The following SYT7 variants were observed in gnomAD, a reference collection of about 807,000 sequenced individuals.
SYT7 encodes the protein synaptotagmin 7, also known as synaptotagmin-7.
Under a neutral mutation model 75.1 loss-of-function variants are expected in SYT7, and 29 were observed. The ratio of observed to expected loss-of-function variants is 0.39; its 90% CI spans 0.29 to 0.53. SYT7 has a LOEUF of 0.53. Ranked by LOEUF, SYT7 falls within the 20% of genes least tolerant of loss-of-function variation. The pLI, the probability that SYT7 is intolerant of heterozygous loss-of-function variation, is 0.77. For missense variants in SYT7, 693 were observed against 953.2 expected (o/e 0.73, Z 3.59); for synonymous variants, 376 against 401.7 (o/e 0.94, Z 0.76).
rs949123223 is a variant in SYT7, at chr11:61,538,837, C to T, written c.942-571G>A. 1.1e-4 allele frequency among the ~76,000 whole-genome samples: 16 copies of T among 152,214 alleles called. No individual in the cohort carries two copies. The South Asian group carries it at 1.4e-3, about 14-fold the overall frequency. The stretch of plus-strand genomic sequence containing the variant: ...TTTCGAAATCCAGTGGGCGCTGCAC[C>T]CTGTCCTTATGGAAGCCCTTCATAG... On this transcript the variant is annotated intron_variant, in intron 6 of 12. Coordinates refer to ENST00000539008, the MANE Select transcript of SYT7 (RefSeq NM_001365809.2).
rs1316793671 is a variant in SYT7, at chr11:61,577,875, CCT to C, written c.31+2913_31+2914del. ...CTCACTGCAAGGTCACCTCTCCCTC[CCT>C]CTCTCTTTTCCTGCCGCTGTCCTGC... On this transcript the variant is annotated intron_variant, in intron 1 of 12. Coordinates refer to ENST00000539008, the MANE Select transcript of SYT7 (RefSeq NM_001365809.2). Among the ~76,000 whole-genome samples, 20 of 152,318 alleles carry C rather than the reference CCT, an allele frequency of 1.3e-4. No individual in the cohort carries two copies. The East Asian group carries it at 3.5e-3, about 26-fold the overall frequency.
chr11:61,522,485 C>T (rs771594556), intron 12 of SYT7, among the ~76,000 whole-genome samples: 3 of 152,110 alleles, frequency 2.0e-5, no homozygotes, highest in Non-Finnish European at 2.9e-5. Context: ...CCACTGTGCC[C>T]GGCCAACTTT....
At chr11:61,543,440 C>T (rs1420633405) in intron 5 of SYT7, among the ~76,000 whole-genome samples, 1 of 152,182 alleles carries the variant, frequency 6.6e-6, no homozygotes, top group African/African-American at 2.4e-5. Context: ...CTCTGAAATG[C>T]ACTGGGAAGT....
chr11:61,533,408 C>T, intron 7 of SYT7: 3 of 985,416 alleles, frequency 3.0e-6, no homozygotes, highest in Non-Finnish European at 3.6e-6. Context: ...CCAGAAACCC[C>T]CCACCCTCCA....
At chr11:61,547,491 C>A (rs375055220) in intron 3 of SYT7, among the ~76,000 whole-genome samples, 183 bp from the exon 4 acceptor site, 2 of 152,080 alleles carry the variant, frequency 1.3e-5, no homozygotes, top group Admixed American at 6.5e-5. Context: ...GCCTGGCACA[C>A]GCACGCATAC....
chr11:61,546,543 C>A lies in SYT7; in HGVS notation c.348-288G>T. ...GTCGGAGAACAACGCACCACGACAA[C>A]GGAGGGGGGGCCCCTCCCCACCGCC... On this transcript the variant is annotated intron_variant, in intron 4 of 12. Coordinates refer to ENST00000539008, the MANE Select transcript of SYT7 (RefSeq NM_001365809.2). The surrounding 1 kb of genome is among the most constrained non-coding windows in gnomAD (Gnocchi z 7.6). The A allele has an allele frequency of 3.3e-6, 1 of 300,798 alleles. No homozygotes were observed. Among genetic ancestry groups the A allele is most frequent in the Non-Finnish European group, 6.2e-6 (1 of 161,096 alleles). The allele number at this position is 300,798 out of a possible 1,614,324, so 18.6% of individuals were successfully genotyped here.
chr11:61,523,706 G>A lies in SYT7; in HGVS notation c.1756+121C>T, dbSNP rs1361368844. ...TCTAGGGTAAGGAGTGAGGACTGGA[G>A]GTCGGGGTGTGGCGGGTTGGGGTGA... On this transcript the variant is annotated intron_variant, in intron 11 of 12. Transcript: ENST00000539008. This position sits in a 1 kb window ranked among gnomAD's most constrained non-coding sequence, Gnocchi z 5.0. 2 of 1,043,092 alleles carry A rather than the reference G, an allele frequency of 1.9e-6. No individual in the cohort carries two copies. Among genetic ancestry groups the A allele is most frequent in the Non-Finnish European group, 2.9e-6 (2 of 688,910 alleles). 64.6% of individuals were successfully genotyped at this position (1,043,092 alleles called of 1,614,324 possible). A position where few individuals can be genotyped will look rare whatever the true frequency, so the allele number is the denominator to read the frequency against.
chr11:61,551,311 G>C lies in SYT7; in HGVS notation c.215+73C>G, dbSNP rs1387364388. On this transcript the variant is annotated intron_variant, in intron 3 of 12. Coordinates refer to ENST00000539008, the MANE Select transcript of SYT7 (RefSeq NM_001365809.2). The surrounding 1 kb of genome is among the most constrained non-coding windows in gnomAD (Gnocchi z 5.3). ...AGTGTGTGGTCAGGTCTGTGGGGCT[G>C]GGGGAGAGAAGGGGCTCCTCCCACC... 1.6e-5 allele frequency: 23 copies of C among 1,394,130 alleles called. No individual in the cohort carries two copies. Among genetic ancestry groups the C allele is most frequent in the South Asian group, 2.3e-5 (2 of 85,466 alleles). The allele number at this position is 1,394,130 out of a possible 1,614,324, so 86.4% of individuals were successfully genotyped here.
At chr11:61,574,957 C>T (rs979594651) in intron 1 of SYT7, among the ~76,000 whole-genome samples, 2 of 152,024 alleles carry the variant, frequency 1.3e-5, no homozygotes, top group African/African-American at 4.8e-5. Context: ...CTCATGCAGG[C>T]GCCCCTTCTG....
intron 1 of SYT7, among the ~76,000 whole-genome samples, 183 bp from the exon 2 acceptor site, chr11:61,556,390 C>T (rs1405531468): frequency 6.6e-6 from 1 of 152,218 alleles, no homozygotes; most frequent in Non-Finnish European, 1.5e-5. Context: ...TCTCTGTGTG[C>T]CTCAGTTTCC....
Position 61,528,192 on chromosome 11 carries a change from G to T in SYT7, c.1201-7C>A, listed in dbSNP as rs764762260. ...CCTCGGAGCCTGGGGAGAGCTGGGG[G>T]TGGGGGAGAGGCCGGCAGGGTTTGG... On this transcript the variant is annotated splice_polypyrimidine_tract_variant and splice_region_variant and intron_variant, in intron 8 of 12. Coordinates refer to ENST00000539008, the MANE Select transcript of SYT7 (RefSeq NM_001365809.2). 5 of 1,609,476 alleles carry T rather than the reference G, an allele frequency of 3.1e-6. No individual in the cohort carries two copies. In the East Asian group the frequency reaches 1.1e-4, roughly 36 times the overall value.
intron 6 of SYT7, chr11:61,541,378 T>TG (rs1409732933): frequency 3.3e-6 from 2 of 602,756 alleles, no homozygotes; most frequent in Non-Finnish European, 3.8e-6. Flanking sequence ...GCTCTGAGAG[T>TG]GGGGGGCAGA....
chr11:61,523,217 GTCT>G lies in SYT7; in HGVS notation c.1811_1813del (p.Lys604del), dbSNP rs1472016783. On this transcript the variant is annotated inframe_deletion, in exon 12 of 13. Transcript: ENST00000539008. This position sits in a 1 kb window ranked among gnomAD's most constrained non-coding sequence, Gnocchi z 5.0. ...GTTCAGGTTCCTCTTCATCGTCACC[GTCT>G]TCTTCTTCTCCACCCGCTTGTCCTT... The G allele has an allele frequency of 3.1e-6, 5 of 1,614,158 alleles. No individual in the cohort carries two copies. The highest frequency in any genetic ancestry group is 3.4e-6 in the Non-Finnish European group (4 of 1,180,046).
At position 61,561,662 on chromosome 11, in the gene SYT7, GTGCTCAATAAA is replaced by G. The variant is rs201134957; in HGVS notation, c.32-5466_32-5456del. ...GCACCAACGGTGGAGCATTTAATAG[GTGCTCAATAAA>G]TGCTTATTGAAAGAATGAAGGAGGA... On this transcript the variant is annotated intron_variant, in intron 1 of 12. Transcript: ENST00000539008. Among the ~76,000 whole-genome samples the G allele has an allele frequency of 2.0e-5, 3 of 152,120 alleles. No homozygotes were observed. The East Asian group carries it at 5.8e-4, about 29-fold the overall frequency.
At chr11:61,568,005 T>A (rs2063820393) in intron 1 of SYT7, among the ~76,000 whole-genome samples, 1 of 152,198 alleles carries the variant, frequency 6.6e-6, no homozygotes, top group African/African-American at 2.4e-5. Flanking sequence ...GGAAGGCTTG[T>A]TTAAACAAAC....
rs2135244094 is a variant in SYT7, at chr11:61,542,645, G to A, written c.573-66C>T. On this transcript the variant is annotated intron_variant, in intron 5 of 12. Transcript: ENST00000539008. The surrounding 1 kb of genome is among the most constrained non-coding windows in gnomAD (Gnocchi z 7.8). The stretch of plus-strand genomic sequence containing the variant: ...TGAAGGGATCACAGTGGAAGAGAAA[G>A]AAGCCGAGGGCCAGGACTAGGAGGC... 7.0e-7 allele frequency: 1 copy of A among 1,427,706 alleles called. No homozygotes were observed. Among genetic ancestry groups the A allele is most frequent in the Non-Finnish European group, 9.1e-7 (1 of 1,095,006 alleles). 88.4% of individuals were successfully genotyped at this position (1,427,706 alleles called of 1,614,324 possible).
intron 1 of SYT7, among the ~76,000 whole-genome samples, chr11:61,564,362 G>A (rs1027515138): frequency 6.6e-6 from 1 of 152,204 alleles, no homozygotes; most frequent in Admixed American, 6.5e-5. Context: ...GCTCTCACAG[G>A]CATTGACAGG....
At chr11:61,555,304 C>G (rs1425402538) in intron 2 of SYT7, among the ~76,000 whole-genome samples, 1 of 152,218 alleles carries the variant, frequency 6.6e-6, no homozygotes, top group Non-Finnish European at 1.5e-5. Flanking sequence ...CCCACCGTCG[C>G]CCCCCTCGCC....
chr11:61,564,908 G>A (rs1000384692), intron 1 of SYT7, among the ~76,000 whole-genome samples: 64 of 152,308 alleles, frequency 4.2e-4, no homozygotes, highest in Non-Finnish European at 7.6e-4. Flanking sequence ...GGACAGGTTG[G>A]GGGCTGGGTA....
Sources: allele counts gnomAD v4.1 joint callset (sites outside exome capture counted in the v4.1 genomes callset), GRCh38; gene constraint gnomAD v4.1.1; non-coding constraint Gnocchi (gnomAD v3.1); transcripts MANE v1.5; gene names NCBI Gene and HGNC (gene_info 2026-07-23, HGNC 2026-07-21).